Variants in SIGLEC7 observed in about 807,000 individuals in gnomAD.
SIGLEC7 encodes sialic acid-binding Ig-like lectin 7.
In SIGLEC7, 33 loss-of-function variants were observed where a neutral mutation model predicts 40.8. The observed-to-expected ratio is 0.81, with a 90% confidence interval of 0.61 to 1.08. The LOEUF is 1.08. Among genes scored for constraint, SIGLEC7 ranks in the 50% least tolerant of loss-of-function variants. The probability of loss-of-function intolerance (pLI) is 0.00; values close to 1 mark genes in which losing one functional copy is unlikely to be tolerated. For synonymous variants in SIGLEC7, 242 were observed against 237.6 expected, an observed-to-expected ratio of 1.02 and a Z score of -0.17; for missense variants, 513 against 576.1, an observed-to-expected ratio of 0.89 and a Z score of 1.12.
intron 6 of SIGLEC7, among the ~76,000 whole-genome samples, chr19:51,148,314 T>G (rs1350437125): frequency 6.6e-6 from 1 of 152,170 alleles, no homozygotes; most frequent in Non-Finnish European, 1.5e-5. Flanking sequence ...CACAGTTATT[T>G]TTTTCTGTTC....
chr19:51,149,207 G>C (rs952607855), intron 6 of SIGLEC7, among the ~76,000 whole-genome samples: 13 of 152,160 alleles, frequency 8.5e-5, no homozygotes, highest in Non-Finnish European at 1.9e-4. Flanking sequence ...GATTGCTTTG[G>C]CATCTTTGTC....
chr19:51,143,239 G>A (rs2092082074), intron 1 of SIGLEC7, among the ~76,000 whole-genome samples: 1 of 152,048 alleles, frequency 6.6e-6, no homozygotes, highest in African/African-American at 2.4e-5. Context: ...AGAGCCTTAG[G>A]TCTACACAAC....
chr19:51,148,892 AGAT>A (rs530103653), intron 6 of SIGLEC7, among the ~76,000 whole-genome samples: 1 of 152,276 alleles, frequency 6.6e-6, no homozygotes, highest in South Asian at 2.1e-4. Flanking sequence ...GACTGGTGTG[AGAT>A]GATATTTCAT....
In SIGLEC7 at chr19:51,142,436, C is replaced by A. The variant is rs369574865; in HGVS notation, c.67C>A (p.Arg23=). The A allele has an allele frequency of 1.2e-6, 2 of 1,614,104 alleles. No homozygotes were observed. The highest frequency in any genetic ancestry group is 1.7e-5 in the Admixed American group (1 of 60,014). ...RERVEGQKSN[R]KDYSLTMQSS... The stretch of plus-strand genomic sequence containing the variant: ...GAGGGTGGAAGGACAGAAGAGTAAC[C>A]GGAAGGATTACTCGCTGACGATGCA... The change falls in exon 1 of 7, where the codon CGG becomes AGG. Residue 23 remains arginine (R), a synonymous_variant. Transcript: ENST00000317643. The surrounding 1 kb of genome is among the most constrained non-coding windows in gnomAD (Gnocchi z 5.0).
chr19:51,145,806 CCT>C lies in SIGLEC7; in HGVS notation c.761-48_761-47del. Reference sequence around the variant, plus strand: ...CCAGTCTCATTCTGTATCCTTCCTCCCTGTTTCAATCACTTTGTCTCTTTGAA... The same window carrying C: ...CCAGTCTCATTCTGTATCCTTCCTCCGTTTCAATCACTTTGTCTCTTTGAA... On this transcript the variant is annotated intron_variant, in intron 3 of 6. Transcript: ENST00000317643. This position sits in a 1 kb window ranked among gnomAD's most constrained non-coding sequence, Gnocchi z 4.3. 3 of 1,604,748 alleles carry C rather than the reference CCT, an allele frequency of 1.9e-6. No individual in the cohort carries two copies. Among genetic ancestry groups the C allele is most frequent in the Non-Finnish European group, 2.6e-6 (3 of 1,173,504 alleles).
Position 51,142,921 on chromosome 19 carries a change from G to C in SIGLEC7, c.433+119G>C. 8.8e-7 allele frequency: 1 copy of C among 1,139,320 alleles called. No individual in the cohort carries two copies. The highest frequency in any genetic ancestry group is 2.4e-5 in the East Asian group (1 of 42,124). 70.6% of individuals were successfully genotyped at this position (1,139,320 alleles called of 1,614,324 possible). A position where few individuals can be genotyped will look rare whatever the true frequency, so the allele number is the denominator to read the frequency against. On this transcript the variant is annotated intron_variant, in intron 1 of 6. Transcript: ENST00000317643. The surrounding 1 kb of genome is among the most constrained non-coding windows in gnomAD (Gnocchi z 5.0). ...GGGTGATGGACTCAGGAGAGGAGCTGGACCAGAGCCTGAGCTTCCCCAGGA... is the reference window on the plus strand; with the variant it reads ...GGGTGATGGACTCAGGAGAGGAGCTCGACCAGAGCCTGAGCTTCCCCAGGA...
At chr19:51,149,647 T>G (rs2092131704) in intron 6 of SIGLEC7, among the ~76,000 whole-genome samples, 1 of 152,214 alleles carries the variant, frequency 6.6e-6, no homozygotes, top group Admixed American at 6.5e-5. Context: ...CTTTTTTGGT[T>G]TCATATGAAT....
Position 51,153,053 on chromosome 19 carries a change from C to A in SIGLEC7, c.1222-10C>A. 6.5e-7 allele frequency: 1 copy of A among 1,529,846 alleles called. No homozygotes were observed. The allele number at this position is 1,529,846 out of a possible 1,614,324, so 94.8% of individuals were successfully genotyped here. ...GCTCTGCTCTGACTCTCTTCTCTCT[C>A]TCCATTCAGGGTAACCTGACTGAGT... is the stretch of plus-strand genomic sequence containing the variant. On this transcript the variant is annotated splice_polypyrimidine_tract_variant and intron_variant, in intron 6 of 6. Coordinates refer to ENST00000317643, the MANE Select transcript of SIGLEC7 (RefSeq NM_014385.4).
intron 6 of SIGLEC7, among the ~76,000 whole-genome samples, chr19:51,151,111 A>G (rs111774908): frequency 0.019 from 2,961 of 152,288 alleles, 55 homozygotes; most frequent in Middle Eastern, 0.058. Context: ...GCTGGTGAAC[A>G]TCCCAGGCAG....
intron 1 of SIGLEC7, among the ~76,000 whole-genome samples, chr19:51,143,113 T>C (rs1040078574): frequency 1.3e-5 from 2 of 152,080 alleles, no homozygotes; most frequent in Non-Finnish European, 2.9e-5. Context: ...TTTAGCACCA[T>C]CCCAGGCCTC....
chr19:51,147,420 A>T, intron 6 of SIGLEC7, 103 bp downstream of exon 6: 1 of 871,724 alleles, frequency 1.1e-6, no homozygotes, highest in Non-Finnish European at 1.7e-6. Flanking sequence ...TTATCTCCTC[A>T]TCTCCTCCTC....
At chr19:51,144,276 C>T in intron 1 of SIGLEC7, 130 bp from the exon 2 acceptor site, 1 of 1,477,830 alleles carries the variant, frequency 6.8e-7, no homozygotes, top group Non-Finnish European at 9.0e-7. Context: ...GGATGGGGCC[C>T]CTGCCCTGGG....
chr19:51,151,683 G>C (rs919046375), intron 6 of SIGLEC7, among the ~76,000 whole-genome samples: 1 of 152,228 alleles, frequency 6.6e-6, no homozygotes, highest in Non-Finnish European at 1.5e-5. Flanking sequence ...TCTGTGTAGG[G>C]AAGGTGAGCA....
chr19:51,151,056 G>A (rs979095605), intron 6 of SIGLEC7, among the ~76,000 whole-genome samples: 2 of 152,164 alleles, frequency 1.3e-5, no homozygotes, highest in African/African-American at 2.4e-5. Context: ...AGAAGAGACC[G>A]TGTGTGTGGC....
In SIGLEC7 at chr19:51,153,173, G is replaced by C. The variant is rs201414205; in HGVS notation, c.1332G>C (p.Lys444Asn). Residue 444 changes from lysine to asparagine, a missense_variant, in exon 7 of 7, where the codon AAG becomes AAC. Lys to Asn is a moderately conservative substitution (Grantham distance 94). Transcript: ENST00000317643. ...AGTATGCACCCCTCAGCTTTCATAAGGGGGAGCCTCAGGACCTATCAGGAC... is the reference window on the plus strand; with the variant it reads ...AGTATGCACCCCTCAGCTTTCATAACGGGGAGCCTCAGGACCTATCAGGAC... ...EIQYAPLSFH[K>N]GEPQDLSGQE... 1.7e-4 allele frequency: 266 copies of C among 1,609,608 alleles called. No homozygotes were observed. The highest frequency in any genetic ancestry group is 2.1e-4 in the Non-Finnish European group (247 of 1,177,996).
chr19:51,149,108 C>T (rs998603205), intron 6 of SIGLEC7, among the ~76,000 whole-genome samples: 4 of 152,044 alleles, frequency 2.6e-5, no homozygotes, highest in African/African-American at 4.8e-5. Flanking sequence ...TCTCCCATTC[C>T]GGTTGTTTAC....
chr19:51,146,687 G>A (rs2092110240), intron 4 of SIGLEC7, 67 bp from the exon 5 acceptor site: 2 of 1,402,716 alleles, frequency 1.4e-6, no homozygotes, highest in Non-Finnish European at 2.0e-6. Flanking sequence ...GGCCTTATAG[G>A]AAGTGGGAGG....
Position 51,150,268 on chromosome 19 carries a change from T to A in SIGLEC7, c.1222-2795T>A, listed in dbSNP as rs149277165. On this transcript the variant is annotated intron_variant, in intron 6 of 6. Transcript: ENST00000317643. ...TTCAGCTTTTCCATATTCAATATGA[T>A]GTTGGCTCTGCGTTCACCATAGATA... Among the ~76,000 whole-genome samples the A allele has an allele frequency of 2.9e-3, 448 of 152,358 alleles. 1 individual carries two copies. Among genetic ancestry groups the A allele is most frequent in the Middle Eastern group, 0.014 (4 of 294 alleles).
intron 1 of SIGLEC7, chr19:51,143,888 G>T: frequency 2.2e-6 from 1 of 457,938 alleles, no homozygotes; most frequent in South Asian, 1.7e-5. Context: ...GGTGCAGGAG[G>T]GCTAGTGCGT....
Sources: allele counts gnomAD v4.1 joint callset (sites outside exome capture counted in the v4.1 genomes callset), GRCh38; gene constraint gnomAD v4.1.1; non-coding constraint Gnocchi (gnomAD v3.1); transcripts MANE v1.5; gene names NCBI Gene and HGNC (gene_info 2026-07-23, HGNC 2026-07-21).